Variants in DCC observed in about 807,000 individuals in gnomAD.
The protein encoded by DCC is netrin receptor DCC.
In DCC, 58 loss-of-function variants were observed where a neutral mutation model predicts 172.5. That is an observed-to-expected ratio of 0.34 (90% CI 0.27 to 0.42). The LOEUF (loss-of-function observed/expected upper bound fraction) is 0.42. Among genes scored for constraint, DCC ranks in the 10% least tolerant of loss-of-function variants. The pLI is 1.00. For missense variants in DCC, 1,740 were observed against 1,791.0 expected (o/e 0.97, Z 0.51); for synonymous variants, 709 against 644.5 (o/e 1.10, Z -1.52).
At chr18:53,268,376 G>A (rs1164493757) in intron 12 of DCC, among the ~76,000 whole-genome samples, 1 of 152,128 alleles carries the variant, frequency 6.6e-6, no homozygotes, top group South Asian at 2.1e-4. Flanking sequence ...AGGAAATTAT[G>A]CTTTTTCACA....
At chr18:53,298,578 G>A (rs1365201145) in intron 12 of DCC, among the ~76,000 whole-genome samples, 2 of 131,482 alleles carry the variant, frequency 1.5e-5, no homozygotes, top group Non-Finnish European at 1.6e-5. Context: ...AGGTCACTCA[G>A]CAAAGTCACA....
intron 26 of DCC, among the ~76,000 whole-genome samples, chr18:53,496,679 TTCTAACCCAATGCAAGGAAGC>T (rs1056461325): frequency 3.3e-5 from 5 of 152,222 alleles, no homozygotes; most frequent in African/African-American, 1.2e-4. Flanking sequence ...AAGGAGCATG[TTCTAACCCAATGCAAGGAAGC>T]TCTAACCCAA....
intron 1 of DCC, among the ~76,000 whole-genome samples, chr18:52,616,852 T>C (rs562961359): frequency 6.6e-6 from 1 of 152,282 alleles, no homozygotes; most frequent in Non-Finnish European, 1.5e-5. Flanking sequence ...GGAAGTAGAA[T>C]GTGATTCTAA....
chr18:53,243,916 T>C (rs1369321053), intron 12 of DCC, among the ~76,000 whole-genome samples: 1 of 152,324 alleles, frequency 6.6e-6, no homozygotes, highest in East Asian at 1.9e-4. Context: ...AGCAAGCTTA[T>C]GAACTGTCCT....
intron 1 of DCC, among the ~76,000 whole-genome samples, chr18:52,398,319 C>A (rs1986309410): frequency 6.6e-6 from 1 of 151,930 alleles, no homozygotes; most frequent in Non-Finnish European, 1.5e-5. Context: ...CTTTTCTCTC[C>A]TTTCAAATTT....
At chr18:52,676,986 A>T (rs373461274) in intron 1 of DCC, among the ~76,000 whole-genome samples, 2 of 152,178 alleles carry the variant, frequency 1.3e-5, no homozygotes, top group African/African-American at 4.8e-5. Context: ...TTTCCCCCAA[A>T]CTACTTCCTG....
intron 1 of DCC, among the ~76,000 whole-genome samples, chr18:52,707,934 T>C (rs1389702403): frequency 6.6e-6 from 1 of 152,198 alleles, no homozygotes; most frequent in African/African-American, 2.4e-5. Flanking sequence ...TCAAGACATT[T>C]ATTGTACATA....
At chr18:52,510,081 G>A (rs2031378347) in intron 1 of DCC, among the ~76,000 whole-genome samples, 1 of 150,548 alleles carries the variant, frequency 6.6e-6, no homozygotes. Context: ...TCCAGCCTGG[G>A]CAATGAGAGC....
intron 2 of DCC, among the ~76,000 whole-genome samples, chr18:52,876,518 A>G (rs2039405531): frequency 6.6e-6 from 1 of 152,240 alleles, no homozygotes; most frequent in South Asian, 2.1e-4. Flanking sequence ...CAGTTTATAA[A>G]GAAAACATAG....
chr18:52,603,591 TACACACACAC>T (rs10553153), intron 1 of DCC, among the ~76,000 whole-genome samples: 12 of 144,698 alleles, frequency 8.3e-5, no homozygotes, highest in African/African-American at 2.0e-4. Context: ...GTGAAGTTAA[TACACACACAC>T]ACACACACAC....
chr18:52,530,228 A>G (rs1309534180), intron 1 of DCC, among the ~76,000 whole-genome samples: 1 of 152,206 alleles, frequency 6.6e-6, no homozygotes, highest in African/African-American at 2.4e-5. Context: ...GGAATGGTAC[A>G]TGTTTTACAC....
intron 11 of DCC, among the ~76,000 whole-genome samples, chr18:53,210,664 C>T (rs2055735980): frequency 6.6e-6 from 1 of 152,064 alleles, no homozygotes; most frequent in Non-Finnish European, 1.5e-5. Context: ...TGTCTAAATG[C>T]ATCTGTATTA....
In DCC at chr18:53,048,859, T is replaced by G. The variant is rs564118450; in HGVS notation, c.986-14446T>G. 3.9e-5 allele frequency among the ~76,000 whole-genome samples: 6 copies of G among 152,006 alleles called. No homozygotes were observed. In the Middle Eastern group the frequency reaches 0.014, roughly 345 times the overall value. ...CACCAGCACCTGTTATTTTTTGACT[T>G]TTTAATAATAGTCATTCTGATTAGT... On this transcript the variant is annotated intron_variant, in intron 5 of 28. Coordinates refer to ENST00000442544, the MANE Select transcript of DCC (RefSeq NM_005215.4).
intron 2 of DCC, among the ~76,000 whole-genome samples, chr18:52,799,556 G>A (rs1288988177): frequency 5.3e-5 from 8 of 152,114 alleles, no homozygotes; most frequent in African/African-American, 1.9e-4. Flanking sequence ...AATCATGATA[G>A]GCTCTATCCA....
chr18:52,439,899 A>G (rs1399946380), intron 1 of DCC, among the ~76,000 whole-genome samples: 2 of 152,252 alleles, frequency 1.3e-5, no homozygotes, highest in Non-Finnish European at 2.9e-5. Context: ...ACCCACAAAA[A>G]TTAAAAATAA....
chr18:52,702,153 T>G (rs982219571), intron 1 of DCC, among the ~76,000 whole-genome samples: 4 of 152,160 alleles, frequency 2.6e-5, no homozygotes, highest in African/African-American at 9.7e-5. Context: ...ATGAAATGTT[T>G]CTTTCTGCGA....
chr18:52,921,557 G>T (rs887105628), intron 3 of DCC, among the ~76,000 whole-genome samples: 1 of 151,850 alleles, frequency 6.6e-6, no homozygotes, highest in Non-Finnish European at 1.5e-5. Flanking sequence ...AAATGAGCCA[G>T]GTGTGGTGGT....
At chr18:52,662,224 A>G (rs1468467663) in intron 1 of DCC, among the ~76,000 whole-genome samples, 3 of 152,200 alleles carry the variant, frequency 2.0e-5, no homozygotes, top group Non-Finnish European at 4.4e-5. Context: ...GTTACCGGAT[A>G]GATCCGATGC....
chr18:53,137,467 C>A (rs2043761686), intron 7 of DCC, among the ~76,000 whole-genome samples: 1 of 152,182 alleles, frequency 6.6e-6, no homozygotes, highest in South Asian at 2.1e-4. Context: ...TCTTTGGGAT[C>A]AGCAGAAGCT....
Sources: allele counts gnomAD v4.1 joint callset (sites outside exome capture counted in the v4.1 genomes callset), GRCh38; gene constraint gnomAD v4.1.1; transcripts MANE v1.5; gene names NCBI Gene and HGNC (gene_info 2026-07-23, HGNC 2026-07-21).